Variants in PTGES3 observed in about 807,000 individuals in gnomAD.
PTGES3 encodes prostaglandin E synthase 3, also known as Hsp90 co-chaperone.
PTGES3 carries 5 observed loss-of-function variants against 29.9 expected under a neutral mutation model. The ratio of observed to expected loss-of-function variants is 0.17; its 90% CI spans 0.09 to 0.35. PTGES3 has a LOEUF of 0.35. Ranked by LOEUF, PTGES3 falls within the 10% of genes least tolerant of loss-of-function variation. The pLI, the probability that PTGES3 is intolerant of heterozygous loss-of-function variation, is 1.00. For missense variants in PTGES3, 128 were observed against 190.0 expected, an observed-to-expected ratio of 0.67 and a Z score of 1.92; for synonymous variants, 49 against 57.8, an observed-to-expected ratio of 0.85 and a Z score of 0.69.
intron 1 of PTGES3, among the ~76,000 whole-genome samples, chr12:56,680,342 TG>T (rs1275931007): frequency 6.6e-6 from 1 of 151,692 alleles, no homozygotes; most frequent in Non-Finnish European, 1.5e-5. Flanking sequence ...CCCAAAGTGG[TG>T]GGATTATAGG....
At chr12:56,677,653 CATT>C (rs575195103) in intron 1 of PTGES3, among the ~76,000 whole-genome samples, 27 of 151,910 alleles carry the variant, frequency 1.8e-4, no homozygotes, top group Middle Eastern at 3.4e-3. Flanking sequence ...CCTTGTTCCC[CATT>C]ATTATTATTA....
intron 5 of PTGES3, among the ~76,000 whole-genome samples, chr12:56,670,066 A>G (rs1329813270): frequency 2.0e-5 from 3 of 152,206 alleles, no homozygotes; most frequent in Non-Finnish European, 4.4e-5. Flanking sequence ...TGTAGCTAAC[A>G]CTAATTCCTT....
intron 4 of PTGES3, 30 bp downstream of exon 4, chr12:56,671,719 A>G: frequency 1.4e-6 from 2 of 1,380,632 alleles, no homozygotes; most frequent in Non-Finnish European, 2.0e-6. Flanking sequence ...AAAAATATCA[A>G]ACTTTTCAAA....
chr12:56,671,354 G>A (rs1274436565), intron 4 of PTGES3, among the ~76,000 whole-genome samples: 2 of 152,142 alleles, frequency 1.3e-5, no homozygotes, highest in Admixed American at 6.5e-5. Flanking sequence ...AGCCAAGATC[G>A]TGCCACTGCA....
chr12:56,666,062 A>G (rs1287996662), intron 6 of PTGES3, 142 bp downstream of exon 6: 20 of 1,401,094 alleles, frequency 1.4e-5, no homozygotes, highest in Non-Finnish European at 1.8e-5. Flanking sequence ...AAATGGGCAC[A>G]TTTTAAAAAT....
At chr12:56,675,642 G>A (rs1211931407) in intron 1 of PTGES3, among the ~76,000 whole-genome samples, 4 of 151,934 alleles carry the variant, frequency 2.6e-5, no homozygotes, top group Non-Finnish European at 4.4e-5. Context: ...AAACAGGGCC[G>A]AGTGCGGTGG....
In PTGES3 at chr12:56,664,227, C is replaced by T. The variant is rs537010205; in HGVS notation, c.*252G>A. The T allele has an allele frequency of 5.2e-6, 2 of 382,170 alleles. No homozygotes were observed. The highest frequency in any genetic ancestry group is 6.9e-5 in the South Asian group (2 of 29,148). 23.7% of individuals were successfully genotyped at this position (382,170 alleles called of 1,614,324 possible). On this transcript the variant is annotated 3_prime_UTR_variant, in exon 8 of 8. Transcript: ENST00000262033. ...CTGCATTAATTGCCTAGGACCTCAACAGCTTCATGAAAGTCTGGGAAATGT... is the reference window on the plus strand; with the variant it reads ...CTGCATTAATTGCCTAGGACCTCAATAGCTTCATGAAAGTCTGGGAAATGT...
intron 1 of PTGES3, 30 bp downstream of exon 1, chr12:56,687,968 G>A (rs780839531): frequency 5.0e-6 from 8 of 1,602,608 alleles, no homozygotes; most frequent in East Asian, 2.3e-5. Flanking sequence ...CTCACTCGGC[G>A]ACCTTCCCTC....
At chr12:56,677,101 A>C (rs1416312315) in intron 1 of PTGES3, among the ~76,000 whole-genome samples, 2 of 151,750 alleles carry the variant, frequency 1.3e-5, no homozygotes, top group African/African-American at 4.8e-5. Flanking sequence ...TTAGCTGGGC[A>C]TGGTGGTGCA....
intron 5 of PTGES3, 140 bp from the exon 6 acceptor site, chr12:56,666,406 C>T: frequency 9.3e-7 from 1 of 1,074,998 alleles, no homozygotes; most frequent in Non-Finnish European, 1.3e-6. Flanking sequence ...TCTTTCCCTT[C>T]TGGAAAAGGA....
At chr12:56,678,362 A>T (rs890853376) in intron 1 of PTGES3, among the ~76,000 whole-genome samples, 2 of 151,894 alleles carry the variant, frequency 1.3e-5, no homozygotes, top group African/African-American at 2.4e-5. Context: ...TTTTTAGTAG[A>T]GGCAGGTTTT....
intron 1 of PTGES3, among the ~76,000 whole-genome samples, chr12:56,674,138 G>A (rs59653166): frequency 0.012 from 1,894 of 152,176 alleles, 43 homozygotes; most frequent in African/African-American, 0.044. Context: ...CTTAAGAATG[G>A]GATTGTATTT....
chr12:56,671,719 A>T (rs778177214), intron 4 of PTGES3, 30 bp downstream of exon 4: 6 of 1,380,512 alleles, frequency 4.3e-6, no homozygotes, highest in East Asian at 4.9e-5. Context: ...AAAAATATCA[A>T]ACTTTTCAAA....
chr12:56,688,186 A>C lies in PTGES3; in HGVS notation c.-187T>G, dbSNP rs1189441891. On this transcript the variant is annotated 5_prime_UTR_variant, in exon 1 of 8. Transcript: ENST00000262033. ...TCGGGCCCCAGAATGCACCGCGCGGAAAGAGCGGCTCCTCCGGTCGGGGAG... is the reference window on the plus strand; with the variant it reads ...TCGGGCCCCAGAATGCACCGCGCGGCAAGAGCGGCTCCTCCGGTCGGGGAG... 5.6e-6 allele frequency: 6 copies of C among 1,080,608 alleles called. No homozygotes were observed. In the East Asian group the frequency reaches 1.6e-4, roughly 29 times the overall value. The allele number at this position is 1,080,608 out of a possible 1,614,324, so 66.9% of individuals were successfully genotyped here. A position where few individuals can be genotyped will look rare whatever the true frequency, so the allele number is the denominator to read the frequency against.
At chr12:56,687,030 A>G (rs965004215) in intron 1 of PTGES3, 1 of 329,526 alleles carries the variant, frequency 3.0e-6, no homozygotes, top group African/African-American at 2.4e-5. Flanking sequence ...AAAAAAAAAA[A>G]CCCTGTAAAA....
chr12:56,675,559 A>G (rs1952201292), intron 1 of PTGES3, among the ~76,000 whole-genome samples: 1 of 150,448 alleles, frequency 6.6e-6, no homozygotes, highest in African/African-American at 2.4e-5. Flanking sequence ...GAGATAAGAG[A>G]TATTTGTGGC....
intron 1 of PTGES3, among the ~76,000 whole-genome samples, chr12:56,673,788 TCAAAAAA>T (rs1952104389): frequency 2.1e-5 from 1 of 47,872 alleles, no homozygotes; most frequent in Non-Finnish European, 3.6e-5. Flanking sequence ...CGAGACTGTC[TCAAAAAA>T]AAAAAAAAAA....
intron 1 of PTGES3, among the ~76,000 whole-genome samples, chr12:56,683,065 T>G (rs1420264131): frequency 6.6e-6 from 1 of 151,948 alleles, no homozygotes; most frequent in Non-Finnish European, 1.5e-5. Flanking sequence ...AATCTATCAT[T>G]GCCGGCTGCG....
At chr12:56,670,894 T>A (rs1397056228) in intron 4 of PTGES3, 1 of 153,452 alleles carries the variant, frequency 6.5e-6, no homozygotes, top group Non-Finnish European at 1.5e-5. Flanking sequence ...TGTGTAATCC[T>A]TCAGGAGTTC....
Sources: allele counts gnomAD v4.1 joint callset (sites outside exome capture counted in the v4.1 genomes callset), GRCh38; gene constraint gnomAD v4.1.1; transcripts MANE v1.5; gene names NCBI Gene and HGNC (gene_info 2026-07-23, HGNC 2026-07-21).